Variants in ACTN2 observed in about 807,000 individuals in gnomAD.
ACTN2 encodes alpha-actinin-2.
ACTN2 carries 39 observed loss-of-function variants against 113.8 expected under a neutral mutation model. The observed-to-expected ratio is 0.34, with a 90% CI of 0.27 to 0.45. The LOEUF is 0.45. Ranked by LOEUF, ACTN2 falls within the 20% of genes least tolerant of loss-of-function variation. ACTN2 has a pLI of 1.00. For missense variants in ACTN2, 992 were observed against 1,177.9 expected, an observed-to-expected ratio of 0.84 and a Z score of 2.31; for synonymous variants, 429 against 444.1, an observed-to-expected ratio of 0.97 and a Z score of 0.43.
intron 12 of ACTN2, among the ~76,000 whole-genome samples, chr1:236,746,655 A>T (rs1357962144): frequency 1.3e-5 from 2 of 151,570 alleles, no homozygotes. Context: ...GTAATAACGT[A>T]TGATCACCCC....
At chr1:236,745,220 G>A (rs930348727) in intron 12 of ACTN2, among the ~76,000 whole-genome samples, 2 of 152,038 alleles carry the variant, frequency 1.3e-5, no homozygotes, top group Non-Finnish European at 2.9e-5. Context: ...GAATCATGAG[G>A]TCAGGAGATC....
In ACTN2 at chr1:236,754,384, G is replaced by T. The variant is rs920874641; in HGVS notation, c.1974+303G>T. ...CTTTCTCCGTTTTTGGCCTCTGCAG[G>T]GCCTGGATTTCAAACCATCTATCCC... On this transcript the variant is annotated intron_variant, in intron 16 of 20. Transcript: ENST00000366578. The surrounding 1 kb of genome is among the most constrained non-coding windows in gnomAD (Gnocchi z 4.9). Among the ~76,000 whole-genome samples, 1 of 152,086 alleles carries T rather than the reference G, an allele frequency of 6.6e-6. No homozygotes were observed. The highest frequency in any genetic ancestry group is 1.5e-5 in the Non-Finnish European group (1 of 68,016).
At chr1:236,739,160 C>A in intron 9 of ACTN2, 142 bp from the exon 10 acceptor site, 2 of 866,938 alleles carry the variant, frequency 2.3e-6, no homozygotes, top group Non-Finnish European at 3.8e-6. Flanking sequence ...CTCGTTCATG[C>A]CTCTGTGCGT....
rs758612804 is a variant in ACTN2 at position 236,744,783 on chromosome 1, G to A, written c.1406+7G>A. The A allele has an allele frequency of 1.9e-6, 3 of 1,614,072 alleles. No homozygotes were observed. In the South Asian group the frequency reaches 3.3e-5, roughly 18 times the overall value. The stretch of plus-strand genomic sequence containing the variant: ...CCATCGCGCAGGAGCTCAAGTATGT[G>A]CAGATGCCCTCCGTCCTCCCGGGAG... On this transcript the variant is annotated splice_region_variant and intron_variant, in intron 12 of 20. Transcript: ENST00000366578.
At position 236,737,840 on chromosome 1, in the gene ACTN2, A is replaced by G. The variant is rs565945875; in HGVS notation, c.876+626A>G. On this transcript the variant is annotated intron_variant, in intron 9 of 20. Coordinates refer to ENST00000366578, the MANE Select transcript of ACTN2 (RefSeq NM_001103.4). ...TTGTTTTTCTTTTCGTTCTTGTTAT[A>G]GCATACGTAGCGACTACGCAGTATC... Among the ~76,000 whole-genome samples the G allele has an allele frequency of 2.0e-5, 3 of 152,280 alleles. No individual in the cohort carries two copies. The South Asian group carries it at 6.2e-4, about 32-fold the overall frequency.
At chr1:236,720,908 C>T (rs1658363401) in intron 4 of ACTN2, among the ~76,000 whole-genome samples, 1 of 35,556 alleles carries the variant, frequency 2.8e-5, no homozygotes, top group African/African-American at 4.5e-5. Context: ...CTATTTGGCC[C>T]CTTCTGACTC....
At chr1:236,720,755 TAC>T (rs1658360179) in intron 4 of ACTN2, among the ~76,000 whole-genome samples, 1 of 152,174 alleles carries the variant, frequency 6.6e-6, no homozygotes, top group Non-Finnish European at 1.5e-5. Flanking sequence ...TTACACCAAC[TAC>T]ACTCCCAAAT....
intron 2 of ACTN2, 144 bp from the exon 3 acceptor site, chr1:236,718,750 A>G: frequency 8.5e-7 from 1 of 1,171,406 alleles, no homozygotes; most frequent in Non-Finnish European, 1.2e-6. Flanking sequence ...CATTGCTGTG[A>G]TTTAGAGAGA....
chr1:236,747,632 G>C, intron 12 of ACTN2, 35 bp from the exon 13 acceptor site: 1 of 1,571,008 alleles, frequency 6.4e-7, no homozygotes, highest in African/African-American at 1.4e-5. Flanking sequence ...CATCATCTGG[G>C]AAAGTTAATC....
chr1:236,724,838 CTT>C (rs5781922), intron 4 of ACTN2, among the ~76,000 whole-genome samples: 1,283 of 81,654 alleles, frequency 0.016, 21 homozygotes, highest in African/African-American at 0.043. Flanking sequence ...TGGGTTTTTC[CTT>C]TTTTTTTTTT....
intron 1 of ACTN2, among the ~76,000 whole-genome samples, chr1:236,702,266 C>A (rs1572099061): frequency 6.6e-6 from 1 of 152,078 alleles, no homozygotes; most frequent in African/African-American, 2.4e-5. Context: ...GTAAAGCTAG[C>A]CGACATCATT....
intron 1 of ACTN2, among the ~76,000 whole-genome samples, chr1:236,715,450 A>G (rs1214084004): frequency 6.6e-6 from 1 of 152,038 alleles, no homozygotes; most frequent in East Asian, 1.9e-4. Context: ...AAACTTAATT[A>G]TCTATAGTGT....
At chr1:236,752,879 A>C (rs908166335) in intron 15 of ACTN2, among the ~76,000 whole-genome samples, 4 of 152,216 alleles carry the variant, frequency 2.6e-5, no homozygotes, top group Non-Finnish European at 4.4e-5. Flanking sequence ...TTAAAGTGAG[A>C]CAAACTTTTC....
Position 236,760,980 on chromosome 1 carries a change from G to A in ACTN2, c.2368-35G>A, listed in dbSNP as rs76681978. 1,144 of 1,613,608 alleles carry A rather than the reference G, an allele frequency of 7.1e-4. 1 individual carries two copies. Among genetic ancestry groups the A allele is most frequent in the East Asian group, 3.6e-3 (162 of 44,876 alleles). On this transcript the variant is annotated intron_variant, in intron 19 of 20. Coordinates refer to ENST00000366578, the MANE Select transcript of ACTN2 (RefSeq NM_001103.4). ...ACGGCTCTGTTGAGAGTTGTGTACCGTTCGTGTACATGTTTCTTTGCCACT... is the reference window on the plus strand; with the variant it reads ...ACGGCTCTGTTGAGAGTTGTGTACCATTCGTGTACATGTTTCTTTGCCACT...
chr1:236,748,081 G>A (rs1433557934), intron 13 of ACTN2: 4 of 348,304 alleles, frequency 1.1e-5, no homozygotes, highest in Non-Finnish European at 2.2e-5. Flanking sequence ...CCTTCTACCT[G>A]AGTAAATTGA....
intron 4 of ACTN2, among the ~76,000 whole-genome samples, chr1:236,722,041 A>G (rs1352672154): frequency 2.6e-5 from 4 of 152,178 alleles, no homozygotes; most frequent in African/African-American, 9.7e-5. Flanking sequence ...AAGAAATTAA[A>G]CATTAAAAAA....
In ACTN2 at chr1:236,717,786, A is replaced by T. The variant is rs974586078; in HGVS notation, c.127-72A>T. The T allele has an allele frequency of 1.2e-5, 12 of 1,024,114 alleles. No individual in the cohort carries two copies. In the Admixed American group the frequency reaches 2.0e-4, roughly 17 times the overall value. The allele number at this position is 1,024,114 out of a possible 1,614,324, so 63.4% of individuals were successfully genotyped here. A position where few individuals can be genotyped will look rare whatever the true frequency, so the allele number is the denominator to read the frequency against. On this transcript the variant is annotated intron_variant, in intron 1 of 20. Coordinates refer to ENST00000366578, the MANE Select transcript of ACTN2 (RefSeq NM_001103.4). The stretch of plus-strand genomic sequence containing the variant: ...GATTCCCAAGAACGTGTAAGGTGTC[A>T]AGTGTCGTCTGTGAGGAAGGGATCT...
chr1:236,735,126 C>T (rs1430555689), intron 7 of ACTN2, among the ~76,000 whole-genome samples: 2 of 152,204 alleles, frequency 1.3e-5, no homozygotes, highest in African/African-American at 2.4e-5. Flanking sequence ...TTCATCCTCA[C>T]GCAAGGCACT....
intron 14 of ACTN2, among the ~76,000 whole-genome samples, chr1:236,749,642 C>CA (rs1032394448): frequency 1.1e-4 from 17 of 151,114 alleles, no homozygotes; most frequent in African/African-American, 2.2e-4. Context: ...ACAAAAAATA[C>CA]AAAAAAAAAT....
Sources: allele counts gnomAD v4.1 joint callset (sites outside exome capture counted in the v4.1 genomes callset), GRCh38; gene constraint gnomAD v4.1.1; non-coding constraint Gnocchi (gnomAD v3.1); transcripts MANE v1.5; gene names NCBI Gene and HGNC (gene_info 2026-07-23, HGNC 2026-07-21).